Variants in SMAD4 observed in about 807,000 individuals in gnomAD.
SMAD4 encodes MAD homolog 4.
Under a neutral mutation model 63.2 loss-of-function variants are expected in SMAD4, and 7 were observed. The observed-to-expected ratio is 0.11, with a 90% CI of 0.06 to 0.21. SMAD4 has a LOEUF of 0.21. SMAD4 is among the 10% of genes least tolerant of loss of function. SMAD4 has a pLI of 1.00. For synonymous variants in SMAD4, 215 were observed against 235.4 expected, an observed-to-expected ratio of 0.91 and a Z score of 0.79; for missense variants, 312 against 693.8, an observed-to-expected ratio of 0.45 and a Z score of 6.18.
At chr18:51,057,307 C>A (rs552740755) in intron 5 of SMAD4, among the ~76,000 whole-genome samples, 28 of 151,958 alleles carry the variant, frequency 1.8e-4, no homozygotes, top group Non-Finnish European at 3.8e-4. Context: ...CTTTAAGAAA[C>A]CAAATTTCCA....
At chr18:51,035,137 G>T (rs1005834140) in intron 1 of SMAD4, among the ~76,000 whole-genome samples, 1 of 152,124 alleles carries the variant, frequency 6.6e-6, no homozygotes, top group Admixed American at 6.6e-5. Context: ...TTGCTTCTGT[G>T]TCTGTCTCTT....
rs528878031 is a variant in SMAD4 at position 51,081,693 on chromosome 18, G to C, written c.*3226G>C. On this transcript the variant is annotated 3_prime_UTR_variant, in exon 12 of 12. Transcript: ENST00000342988. ...TGGGGCAGGGTGTGGTGTGTAAAGG[G>C]GGGTGTTTGTAATACAAGTTGAAGG... is the stretch of plus-strand genomic sequence containing the variant. 121 of 232,806 alleles carry C rather than the reference G, an allele frequency of 5.2e-4. No individual in the cohort carries two copies. The highest frequency in any genetic ancestry group is 6.5e-4 in the Non-Finnish European group (77 of 117,818). The allele number at this position is 232,806 out of a possible 1,614,324, so 14.4% of individuals were successfully genotyped here.
At chr18:51,058,958 G>C (rs1418125855) in intron 7 of SMAD4, among the ~76,000 whole-genome samples, 4 of 152,098 alleles carry the variant, frequency 2.6e-5, no homozygotes, top group Non-Finnish European at 5.9e-5. Flanking sequence ...TAGTAAAATC[G>C]AGAGTATAAC....
rs1910618934 is a variant in SMAD4, at chr18:51,081,829, A to C, written c.*3362A>C. 1.7e-5 allele frequency: 4 copies of C among 232,340 alleles called. No individual in the cohort carries two copies. In the South Asian group the frequency reaches 7.2e-4, roughly 42 times the overall value. 14.4% of individuals were successfully genotyped at this position (232,340 alleles called of 1,614,324 possible). Reference sequence around the variant, plus strand: ...TATCTTTGACTATGGTCATCTGGGGAAGGAAAATTTTACATTTTACTATTA... The same window carrying C: ...TATCTTTGACTATGGTCATCTGGGGCAGGAAAATTTTACATTTTACTATTA... On this transcript the variant is annotated 3_prime_UTR_variant, in exon 12 of 12. Transcript: ENST00000342988.
At chr18:51,073,388 T>TATATACACACACACACACAC (rs1417299090) in intron 10 of SMAD4, among the ~76,000 whole-genome samples, 2 of 64,160 alleles carry the variant, frequency 3.1e-5, no homozygotes, top group African/African-American at 1.5e-4. Context: ...TATATATATA[T>TATATACACACACACACACAC]ACACACACAC....
chr18:51,048,155 A>AT (rs1436402535), intron 2 of SMAD4, among the ~76,000 whole-genome samples: 2 of 151,998 alleles, frequency 1.3e-5, no homozygotes, highest in African/African-American at 4.8e-5. Context: ...TTGCATATTT[A>AT]TTTATTTTAT....
intron 1 of SMAD4, among the ~76,000 whole-genome samples, chr18:51,035,230 G>A (rs1909170001): frequency 6.6e-6 from 1 of 152,136 alleles, no homozygotes; most frequent in Admixed American, 6.5e-5. Context: ...CTGTCTGGTA[G>A]TAAGTTTTAG....
In SMAD4 at chr18:51,050,085, C is replaced by A. The variant is rs117731981; in HGVS notation, c.454+761C>A. ...ATAAAGAACCACTGTCAGCCAGGCA[C>A]GGTGGTTCACACCTGTAATCCCAGT... On this transcript the variant is annotated intron_variant, in intron 4 of 11. Transcript: ENST00000342988. Among the ~76,000 whole-genome samples the A allele has an allele frequency of 5.7e-3, 860 of 152,202 alleles. 29 individuals carry two copies. In the East Asian group the frequency reaches 0.08, roughly 14 times the overall value.
chr18:51,073,389 A>ATATATATATATAT (rs1568210358), intron 10 of SMAD4, among the ~76,000 whole-genome samples: 20 of 40,612 alleles, frequency 4.9e-4, no homozygotes, highest in Admixed American at 8.4e-4. Context: ...ATATATATAT[A>ATATATATATATAT]CACACACACA....
intron 10 of SMAD4, among the ~76,000 whole-genome samples, 183 bp from the exon 11 acceptor site, chr18:51,076,455 C>CA (rs1200097445): frequency 6.6e-6 from 1 of 152,206 alleles, no homozygotes; most frequent in Non-Finnish European, 1.5e-5. Flanking sequence ...TGGTGAGCTC[C>CA]AAGCCACCTT....
chr18:51,042,941 G>C (rs1028772983), intron 1 of SMAD4, among the ~76,000 whole-genome samples: 2 of 152,120 alleles, frequency 1.3e-5, no homozygotes, highest in African/African-American at 2.4e-5. Flanking sequence ...CGTTTGTCTT[G>C]GAAGGTCTGA....
At position 51,058,133 on chromosome 18, in the gene SMAD4, G is replaced by T. The variant is rs943293684; in HGVS notation, c.676G>T (p.Ala226Ser). The change falls in exon 6 of 12, where the codon GCC (alanine) becomes TCC (serine). Residue 226 changes from alanine to serine, a missense_variant. Around this residue, in one of 4 missense-constraint regions of SMAD4, gnomAD observed 169 missense variants for 211.0 expected, o/e 0.80. Transcript: ENST00000342988. ...TCTTCTTGTTCCTCTAGGTCAGCCT[G>T]CCAGTATACTGGGGGGCAGCCATAG... ...NIPVASTSQP[A>S]SILGGSHSEG... 1.2e-6 allele frequency: 2 copies of T among 1,614,004 alleles called. No individual in the cohort carries two copies. The highest frequency in any genetic ancestry group is 1.7e-6 in the Non-Finnish European group (2 of 1,179,868).
At chr18:51,060,509 A>G (rs1013734065) in intron 8 of SMAD4, among the ~76,000 whole-genome samples, 13 of 152,320 alleles carry the variant, frequency 8.5e-5, no homozygotes, top group African/African-American at 2.9e-4. Context: ...ATCCTTTCGT[A>G]TCTGTTTTTC....
intron 11 of SMAD4, 35 bp downstream of exon 11, chr18:51,076,811 ATAGT>A: frequency 6.8e-7 from 1 of 1,479,408 alleles, no homozygotes; most frequent in South Asian, 1.3e-5. Context: ...TAAAGGTATA[ATAGT>A]TGATATTTTT....
At chr18:51,041,253 C>T (rs946549818) in intron 1 of SMAD4, among the ~76,000 whole-genome samples, 1 of 152,138 alleles carries the variant, frequency 6.6e-6, no homozygotes, top group Non-Finnish European at 1.5e-5. Flanking sequence ...AGCTCTTATC[C>T]GTCTCTGCTT....
At chr18:51,052,228 C>T (rs1348039506) in intron 4 of SMAD4, 8 of 152,504 alleles carry the variant, frequency 5.2e-5, no homozygotes. Flanking sequence ...TAAATGATTT[C>T]TGAGTATTGT....
chr18:51,074,710 T>C (rs1003677225), intron 10 of SMAD4, among the ~76,000 whole-genome samples: 5 of 152,234 alleles, frequency 3.3e-5, no homozygotes, highest in South Asian at 2.1e-4. Flanking sequence ...TAGAGCTATT[T>C]ACCTTTTCAA....
chr18:51,084,173 GGT>G lies in SMAD4; in HGVS notation c.*5714_*5715del. On this transcript the variant is annotated 3_prime_UTR_variant, in exon 12 of 12. Coordinates refer to ENST00000342988, the MANE Select transcript of SMAD4 (RefSeq NM_005359.6). ...GTCATGACATTATAGCTTTTGAGTT[GGT>G]GTGTGTGACACCACCCTCCTAAGTG... The G allele has an allele frequency of 4.3e-6, 1 of 230,394 alleles. No homozygotes were observed. Among genetic ancestry groups the G allele is most frequent in the East Asian group, 6.1e-5 (1 of 16,310 alleles). The allele number at this position is 230,394 out of a possible 1,614,324, so 14.3% of individuals were successfully genotyped here. A position where few individuals can be genotyped will look rare whatever the true frequency, so the allele number is the denominator to read the frequency against.
intron 9 of SMAD4, among the ~76,000 whole-genome samples, chr18:51,065,963 TTATAA>T (rs1485118394): frequency 1.3e-5 from 2 of 152,230 alleles, no homozygotes; most frequent in Non-Finnish European, 2.9e-5. Context: ...AAAGTTTTAC[TTATAA>T]TGTTAAAAAA....
Sources: gnomAD v4.1 joint callset for allele counts (sites outside exome capture counted in the v4.1 genomes callset) on GRCh38, gnomAD v4.1.1 for gene constraint, gnomAD v4.1.1 regional missense constraint, MANE v1.5 for transcripts, NCBI Gene and HGNC (gene_info 2026-07-23, HGNC 2026-07-21) for gene names.